Variants in NBPF11 observed in about 807,000 individuals in gnomAD.
NBPF11 encodes the protein NBPF member 11, also known as NBPF family member NBPF11.
NBPF11 carries 72 observed loss-of-function variants against 93.9 expected under a neutral mutation model. That is an observed-to-expected ratio of 0.77 (90% CI 0.63 to 0.93). The LOEUF (loss-of-function observed/expected upper bound fraction) is 0.93, where lower values mean the gene tolerates loss of function less well. Among genes scored for constraint, NBPF11 ranks in the 40% least tolerant of loss-of-function variants. NBPF11 has a pLI of 0.00. For missense variants in NBPF11, 705 were observed against 802.2 expected (o/e 0.88, Z 1.46); for synonymous variants, 224 against 304.9 (o/e 0.73, Z 2.76).
At chr1:148,146,470 C>T in intron 1 of NBPF11, 3 of 1,604,574 alleles carry the variant, frequency 1.9e-6, no homozygotes, top group Non-Finnish European at 2.5e-6. Flanking sequence ...CGCTGCCAAG[C>T]TCGCCTTCCT....
intron 5 of NBPF11, among the ~76,000 whole-genome samples, chr1:148,125,246 C>A (rs1668829254): frequency 6.6e-6 from 1 of 151,856 alleles, no homozygotes; most frequent in African/African-American, 2.4e-5. Context: ...ATGATTCAAC[C>A]ACAACGAAGT....
intron 10 of NBPF11, among the ~76,000 whole-genome samples, chr1:148,119,765 A>T (rs1462281536): frequency 6.7e-6 from 1 of 149,928 alleles, no homozygotes; most frequent in Non-Finnish European, 1.5e-5. Context: ...AAAGGATTCT[A>T]CTGCCTCAGC....
intron 10 of NBPF11, among the ~76,000 whole-genome samples, chr1:148,119,913 C>T (rs1297725908): frequency 2.0e-5 from 3 of 152,158 alleles, no homozygotes; most frequent in African/African-American, 7.3e-5. Flanking sequence ...CTCAGCCTCC[C>T]AAAGGGCTGG....
At chr1:148,123,654 G>C (rs2149242035) in intron 7 of NBPF11, among the ~76,000 whole-genome samples, 199 bp downstream of exon 7, 1 of 151,944 alleles carries the variant, frequency 6.6e-6, no homozygotes, top group African/African-American at 2.4e-5. Flanking sequence ...AAGGAAGGAG[G>C]GACACTTGCA....
chr1:148,127,933 G>C (rs1344344786), intron 4 of NBPF11, among the ~76,000 whole-genome samples: 1 of 151,956 alleles, frequency 6.6e-6, no homozygotes, highest in African/African-American at 2.4e-5. Context: ...GGGATTACAG[G>C]CGTGAGCCAC....
intron 9 of NBPF11, among the ~76,000 whole-genome samples, 155 bp downstream of exon 9, chr1:148,121,899 TC>T (rs1667958364): frequency 6.6e-6 from 1 of 151,826 alleles, no homozygotes; most frequent in Non-Finnish European, 1.5e-5. Context: ...ACTTGGGCCT[TC>T]CAAAGTGCTG....
intron 1 of NBPF11, chr1:148,149,547 T>G: frequency 6.3e-7 from 1 of 1,594,022 alleles, no homozygotes; most frequent in Non-Finnish European, 8.5e-7. Flanking sequence ...TCCCAGGAGC[T>G]GCCCAGCCAG....
chr1:148,146,803 C>T (rs1461714657), intron 1 of NBPF11: 49 of 1,613,366 alleles, frequency 3.0e-5, no homozygotes, highest in African/African-American at 4.0e-5. Flanking sequence ...CCTGGGCTCC[C>T]GCCTCCACTG....
rs1553277960 is a variant in NBPF11 at position 148,152,191 on chromosome 1, T to C, written c.-990A>G. ...GCCCTTGACCCTGCAATTCGCTGATTTCCCCGGCCACTTGAACCGCCCCTG... is the reference window on the plus strand; with the variant it reads ...GCCCTTGACCCTGCAATTCGCTGATCTCCCCGGCCACTTGAACCGCCCCTG... On this transcript the variant is annotated 5_prime_UTR_variant, in exon 1 of 24. Transcript: ENST00000682118. The C allele has an allele frequency of 6.6e-6, 1 of 152,170 alleles. No homozygotes were observed. The highest frequency in any genetic ancestry group is 1.9e-4 in the East Asian group (1 of 5,184). The allele number at this position is 152,170 out of a possible 1,614,324, so 9.4% of individuals were successfully genotyped here. A position where few individuals can be genotyped will look rare whatever the true frequency, so the allele number is the denominator to read the frequency against.
chr1:148,136,690 C>T (rs1199310797), intron 3 of NBPF11, among the ~76,000 whole-genome samples: 9 of 152,044 alleles, frequency 5.9e-5, no homozygotes, highest in African/African-American at 1.9e-4. Flanking sequence ...TCTTTATCCC[C>T]TCCATGTTCC....
intron 5 of NBPF11, 84 bp downstream of exon 5, chr1:148,126,745 G>A (rs1669213845): frequency 4.9e-6 from 6 of 1,228,182 alleles, no homozygotes; most frequent in Admixed American, 3.4e-5. Flanking sequence ...TAGAAGTACA[G>A]GAAGGATGAA....
chr1:148,145,327 T>G (rs1672829637), intron 1 of NBPF11, among the ~76,000 whole-genome samples: 2 of 140,614 alleles, frequency 1.4e-5, no homozygotes, highest in South Asian at 5.1e-4. Context: ...TTCTCCTGCC[T>G]CAGCCTCCTG....
At position 148,103,614 on chromosome 1, in the gene NBPF11, G is replaced by C. The variant is rs1176643277; in HGVS notation, c.*282C>G. Reference sequence around the variant, plus strand: ...AACTATAGTTTCATTCAAATCTTCAGGTGCCTATAGGTCCTGCCTGCAGGA... The same window carrying C: ...AACTATAGTTTCATTCAAATCTTCACGTGCCTATAGGTCCTGCCTGCAGGA... On this transcript the variant is annotated 3_prime_UTR_variant, in exon 24 of 24. Transcript: ENST00000682118. 21 of 1,609,600 alleles carry C rather than the reference G, an allele frequency of 1.3e-5. No individual in the cohort carries two copies. Among genetic ancestry groups the C allele is most frequent in the East Asian group, 4.5e-5 (2 of 44,860 alleles).
In NBPF11 at chr1:148,115,794, T is replaced by A; in HGVS notation, c.1584A>T (p.Pro528=). The A allele has an allele frequency of 7.0e-6, 11 of 1,578,930 alleles. 1 individual carries two copies. In the South Asian group the frequency reaches 1.2e-4, roughly 17 times the overall value. The change falls in exon 14 of 24, where the codon CCA becomes CCT. Residue 528 remains proline, a splice_region_variant and synonymous_variant. Transcript: ENST00000682118. ...AGACACAAGGAAAACAGAGGCTACCTGGGATAATGTGTACAGCATCCTCCC... is the reference window on the plus strand; with the variant it reads ...AGACACAAGGAAAACAGAGGCTACCAGGGATAATGTGTACAGCATCCTCCC... ...VEWEDAVHII[P]ENESDDEEEE...
intron 15 of NBPF11, among the ~76,000 whole-genome samples, chr1:148,112,152 G>GTATA (rs1174997764): frequency 2.5e-5 from 3 of 119,608 alleles, no homozygotes; most frequent in African/African-American, 1.1e-4. Context: ...TTGTGTGTAT[G>GTATA]TATATATATA....
At position 148,126,974 on chromosome 1, in the gene NBPF11, G is replaced by C; in HGVS notation, c.30C>G (p.Ser10Arg). The change falls in exon 5 of 24, where the codon AGC becomes AGG. Residue 10 changes from serine to arginine, a missense_variant. By Grantham distance (110) the Ser-to-Arg change is moderately radical. Around this residue, in one of 12 missense-constraint regions of NBPF11, gnomAD observed 128 missense variants for 112.8 expected, o/e 1.14. Coordinates refer to ENST00000682118, the MANE Select transcript of NBPF11 (RefSeq NM_001385469.3). The stretch of plus-strand genomic sequence containing the variant: ...CTAGAATGTTCATCTCTGCCTTCTC[G>C]CTGGACCAAGGGCCGGCTGATACCA... MVVSAGPWS[S>R]EKAEMNILEI... 1.2e-6 allele frequency: 1 copy of C among 804,270 alleles called. No homozygotes were observed. Among genetic ancestry groups the C allele is most frequent in the East Asian group, 2.5e-5 (1 of 39,856 alleles). The allele number at this position is 804,270 out of a possible 1,614,324, so 49.8% of individuals were successfully genotyped here. A position where few individuals can be genotyped will look rare whatever the true frequency, so the allele number is the denominator to read the frequency against.
In NBPF11 at chr1:148,122,727, A is replaced by G. The variant is rs1267180655; in HGVS notation, c.566+2T>C. On this transcript the variant is annotated splice_donor_variant, in intron 8 of 23. Coordinates refer to ENST00000682118, the MANE Select transcript of NBPF11 (RefSeq NM_001385469.3). LOFTEE classifies it high-confidence loss of function. ...TACTTGCTCCTGAGTATTCAATGTT[A>G]CCTGGGGGCAGATGATTCCAGTACT... The G allele has an allele frequency of 8.7e-6, 14 of 1,609,542 alleles. No homozygotes were observed. The Admixed American group carries it at 1.0e-4, about 11-fold the overall frequency.
chr1:148,120,933 A>G (rs1172868362), intron 9 of NBPF11, among the ~76,000 whole-genome samples: 1 of 152,030 alleles, frequency 6.6e-6, no homozygotes, highest in African/African-American at 2.4e-5. Context: ...ACACTTGCTT[A>G]TACGTTTCTA....
At position 148,106,552 on chromosome 1, in the gene NBPF11, T is replaced by C. The variant is rs1663671153; in HGVS notation, c.2252-320A>G. Among the ~76,000 whole-genome samples, 11 of 139,042 alleles carry C rather than the reference T, an allele frequency of 7.9e-5. 1 individual carries two copies. The highest frequency in any genetic ancestry group is 3.5e-3 in the Middle Eastern group (1 of 286). 91.2% of individuals were successfully genotyped at this position (139,042 alleles called of 152,430 possible). ...AGGATTTCTAGGAGGAAAACTAAAG[T>C]ATTCAGCCCTGTCTCATCAAATGCC... On this transcript the variant is annotated intron_variant, in intron 20 of 23. Coordinates refer to ENST00000682118, the MANE Select transcript of NBPF11 (RefSeq NM_001385469.3).
Sources: allele counts gnomAD v4.1 joint callset (sites outside exome capture counted in the v4.1 genomes callset), GRCh38; gene constraint gnomAD v4.1.1; regional missense constraint gnomAD v4.1.1; transcripts MANE v1.5; gene names NCBI Gene and HGNC (gene_info 2026-07-23, HGNC 2026-07-21).